The following LRRC31 variants were observed in gnomAD, a reference collection of about 807,000 sequenced individuals.
LRRC31 encodes the protein leucine rich repeat containing 31.
Under a neutral mutation model 46.7 loss-of-function variants are expected in LRRC31, and 35 were observed. The observed-to-expected ratio is 0.75, with a 90% CI of 0.57 to 0.99. The LOEUF (loss-of-function observed/expected upper bound fraction) is 0.99. LRRC31 is among the 50% of genes least tolerant of loss of function. The pLI, the probability that LRRC31 is intolerant of heterozygous loss-of-function variation, is 0.00. For missense variants in LRRC31, 613 were observed against 626.1 expected, an observed-to-expected ratio of 0.98 and a Z score of 0.22; for synonymous variants, 236 against 235.1, an observed-to-expected ratio of 1.00 and a Z score of -0.03.
chr3:169,864,382 G>A (rs1781266491), intron 1 of LRRC31, among the ~76,000 whole-genome samples: 1 of 152,312 alleles, frequency 6.6e-6, no homozygotes, highest in Non-Finnish European at 1.5e-5. Flanking sequence ...CCCACTGGGT[G>A]CTCTGTCATG....
intron 8 of LRRC31, among the ~76,000 whole-genome samples, chr3:169,843,850 A>G (rs2108199035): frequency 6.6e-6 from 1 of 152,366 alleles, no homozygotes; most frequent in African/African-American, 2.4e-5. Context: ...AACCTAGATG[A>G]AATGGGCCAA....
rs1367617058 is a variant in LRRC31, at chr3:169,840,122, A to G, written c.1519T>C (p.Tyr507His). The G allele has an allele frequency of 1.9e-6, 3 of 1,614,034 alleles. No individual in the cohort carries two copies. The highest frequency in any genetic ancestry group is 1.7e-6 in the Non-Finnish European group (2 of 1,180,040). ...ATCTGAGGAAGCTTGGTCACAGCATATAACAAGTGTCTAAACCATTGTCCA... is the reference window on the plus strand; with the variant it reads ...ATCTGAGGAAGCTTGGTCACAGCATGTAACAAGTGTCTAAACCATTGTCCA... ...DCGQWFRHLL[Y>H]AVTKLPQITE... The change falls in exon 9 of 9, where the codon TAT becomes CAT. Residue 507 changes from tyrosine (Y) to histidine (H), a missense_variant. Transcript: ENST00000316428.
chr3:169,839,446 A>G lies in LRRC31; in HGVS notation c.*536T>C, dbSNP rs1294048339. 6.6e-6 allele frequency: 1 copy of G among 152,184 alleles called. No individual in the cohort carries two copies. The highest frequency in any genetic ancestry group is 1.5e-5 in the Non-Finnish European group (1 of 68,026). 9.4% of individuals were successfully genotyped at this position (152,184 alleles called of 1,614,324 possible). On this transcript the variant is annotated 3_prime_UTR_variant, in exon 9 of 9. Transcript: ENST00000316428. ...GGTACACTTTCTGATAAAAACCTAC[A>G]TAGACTACATTAAGATACATATAGT... is the stretch of plus-strand genomic sequence containing the variant.
intron 1 of LRRC31, among the ~76,000 whole-genome samples, chr3:169,867,038 G>GTTTTTTTTTTTTTTTTTT (rs1324128884): frequency 4.7e-5 from 6 of 126,322 alleles, no homozygotes; most frequent in African/African-American, 2.2e-4. Context: ...TTGGCCATGG[G>GTTTTTTTTTTTTTTTTTT]TTTTTTTTGT....
intron 1 of LRRC31, among the ~76,000 whole-genome samples, chr3:169,863,041 C>T (rs1447046401): frequency 2.0e-5 from 3 of 151,864 alleles, no homozygotes; most frequent in Non-Finnish European, 2.9e-5. Context: ...TGCCACCACG[C>T]CCGGCTAATT....
At chr3:169,866,049 C>T (rs187935646) in intron 1 of LRRC31, among the ~76,000 whole-genome samples, 17 of 152,220 alleles carry the variant, frequency 1.1e-4, no homozygotes, top group Admixed American at 7.2e-4. Flanking sequence ...CAATATCCAA[C>T]TGATCACTAA....
At chr3:169,861,611 C>T (rs1340653956) in intron 2 of LRRC31, 59 bp downstream of exon 2, 4 of 1,564,586 alleles carry the variant, frequency 2.6e-6, no homozygotes, top group Non-Finnish European at 3.5e-6. Flanking sequence ...TATGTTTTAT[C>T]TGCTTATCTC....
intron 5 of LRRC31, 26 bp from the exon 6 acceptor site, chr3:169,855,006 C>T (rs1218187345): frequency 1.3e-6 from 2 of 1,594,434 alleles, no homozygotes; most frequent in African/African-American, 2.7e-5. Context: ...GAATCCCATT[C>T]TGGTAGCTGG....
In LRRC31 at chr3:169,869,672, G is replaced by A; in HGVS notation, c.136C>T (p.Pro46Ser). The change falls in exon 1 of 9, where the codon CCC becomes TCC. Residue 46 changes from proline to serine, a missense_variant. Coordinates refer to ENST00000316428, the MANE Select transcript of LRRC31 (RefSeq NM_024727.4). ...GCTGTCTTCTGTATCCAGTCGCTGG[G>A]TTGGGAATCACTTGTTTTAAGGTCA... ...DNDLKTSDSQPSDWIQKTATS... is the reference protein window; with the variant it reads ...DNDLKTSDSQSSDWIQKTATS... The A allele has an allele frequency of 1.2e-6, 2 of 1,610,566 alleles. No individual in the cohort carries two copies. The highest frequency in any genetic ancestry group is 1.3e-5 in the African/African-American group (1 of 74,966).
intron 1 of LRRC31, among the ~76,000 whole-genome samples, chr3:169,865,121 G>A (rs887891063): frequency 1.9e-4 from 28 of 151,282 alleles, no homozygotes; most frequent in South Asian, 6.3e-4. Context: ...GTGTAGTGGC[G>A]GGTGCCTGTA....
rs761504444 is a variant in LRRC31, at chr3:169,840,164, A to G, written c.1477T>C (p.Ser493Pro). The G allele has an allele frequency of 1.2e-6, 2 of 1,614,008 alleles. No individual in the cohort carries two copies. ...CATTGTCCACAATCTCGAAAATTTG[A>G]TGGTCGAAGGCTAATATCCAGCTCG... ...LIELDISLRPSNFRDCGQWFR... is the reference protein window; with the variant it reads ...LIELDISLRPPNFRDCGQWFR... The change falls in exon 9 of 9, where the codon TCA (serine) becomes CCA (proline). Residue 493 changes from serine to proline, a missense_variant. Transcript: ENST00000316428.
At chr3:169,849,480 C>T (rs1265676569) in intron 7 of LRRC31, among the ~76,000 whole-genome samples, 1 of 152,130 alleles carries the variant, frequency 6.6e-6, no homozygotes, top group Non-Finnish European at 1.5e-5. Flanking sequence ...CCAGAATGGG[C>T]AACATGGTAA....
chr3:169,859,145 A>C (rs955477500), intron 3 of LRRC31, among the ~76,000 whole-genome samples: 1 of 149,800 alleles, frequency 6.7e-6, no homozygotes, highest in African/African-American at 2.5e-5. Flanking sequence ...AATACAAAAA[A>C]TTAGCCGGGC....
chr3:169,857,788 G>T (rs1330631141), intron 3 of LRRC31, among the ~76,000 whole-genome samples: 1 of 152,080 alleles, frequency 6.6e-6, no homozygotes, highest in African/African-American at 2.4e-5. Flanking sequence ...CCCTGGGTTT[G>T]AACTTCTACC....
At chr3:169,853,730 A>T in intron 6 of LRRC31, 1 of 982,708 alleles carries the variant, frequency 1.0e-6, no homozygotes, top group Non-Finnish European at 1.2e-6. Context: ...GAGAGATAAG[A>T]GTCTGAAAGA....
At chr3:169,854,505 C>T (rs541073802) in intron 6 of LRRC31, among the ~76,000 whole-genome samples, 1 of 152,208 alleles carries the variant, frequency 6.6e-6, no homozygotes, top group South Asian at 2.1e-4. Context: ...AGGTATGTAA[C>T]CTGTTTGTAA....
chr3:169,862,797 A>G (rs1420149115), intron 1 of LRRC31, among the ~76,000 whole-genome samples: 2 of 152,172 alleles, frequency 1.3e-5, no homozygotes, highest in Non-Finnish European at 2.9e-5. Context: ...ATAGCACTAT[A>G]ATAATAAAAG....
chr3:169,859,118 C>G (rs551319443), intron 3 of LRRC31, among the ~76,000 whole-genome samples: 2 of 148,700 alleles, frequency 1.3e-5, no homozygotes, highest in Non-Finnish European at 3.0e-5. Flanking sequence ...TGGTGGTGCA[C>G]GCCTAAAATA....
chr3:169,856,674 C>CTTT, intron 4 of LRRC31, 31 bp downstream of exon 4: 2 of 1,272,924 alleles, frequency 1.6e-6, no homozygotes, highest in Admixed American at 2.2e-5. Context: ...GGCATCTTCA[C>CTTT]TTTTTTTTTT....
Sources: allele counts gnomAD v4.1 joint callset (sites outside exome capture counted in the v4.1 genomes callset), GRCh38; gene constraint gnomAD v4.1.1; transcripts MANE v1.5; gene names NCBI Gene and HGNC (gene_info 2026-07-23, HGNC 2026-07-21).